CCDC171: variants seen among roughly 807,000 people sequenced by gnomAD.
The protein encoded by CCDC171 is coiled-coil domain-containing protein 171.
CCDC171 carries 177 observed loss-of-function variants against 168.2 expected under a neutral mutation model. The observed-to-expected ratio is 1.05, with a 90% CI of 0.93 to 1.19. The LOEUF is 1.19. Ranked by LOEUF, CCDC171 falls within the 50% of genes most tolerant of loss-of-function variation. The pLI is 0.00. For synonymous variants in CCDC171, 687 were observed against 540.8 expected, an observed-to-expected ratio of 1.27 and a Z score of -3.75; for missense variants, 1,991 against 1,539.0, an observed-to-expected ratio of 1.29 and a Z score of -4.91.
chr9:15,893,505 G>T (rs530320811), intron 24 of CCDC171, among the ~76,000 whole-genome samples: 2 of 152,182 alleles, frequency 1.3e-5, no homozygotes, highest in Admixed American at 1.3e-4. Context: ...ACAACCTACA[G>T]AATGAGAGAA....
At position 15,721,786 on chromosome 9, in the gene CCDC171, G is replaced by C; in HGVS notation, c.1336G>C (p.Asp446His). ...QWTSGIHKDKDKPPSFSVVLE... is the reference protein window; with the variant it reads ...QWTSGIHKDKHKPPSFSVVLE... Reference sequence around the variant, plus strand: ...TTCTCTAGGCATCCACAAGGACAAAGATAAACCTCCCAGCTTCTCTGTTGT... The same window carrying C: ...TTCTCTAGGCATCCACAAGGACAAACATAAACCTCCCAGCTTCTCTGTTGT... The change falls in exon 12 of 26, where the codon GAT (aspartate) becomes CAT (histidine). Residue 446 changes from aspartate to histidine, a missense_variant. Transcript: ENST00000380701. The C allele has an allele frequency of 6.4e-7, 1 of 1,560,030 alleles. No homozygotes were observed. The highest frequency in any genetic ancestry group is 8.7e-7 in the Non-Finnish European group (1 of 1,152,926).
chr9:16,015,819 C>G (rs144835272), intron 3 of CCDC171, among the ~76,000 whole-genome samples: 1 of 152,178 alleles, frequency 6.6e-6, no homozygotes, highest in Non-Finnish European at 1.5e-5. Context: ...TACTTTCTGT[C>G]TATGAATTTT....
intron 10 of CCDC171, among the ~76,000 whole-genome samples, chr9:15,688,466 C>T (rs1457607514): frequency 6.6e-6 from 1 of 152,060 alleles, no homozygotes; most frequent in Non-Finnish European, 1.5e-5. Flanking sequence ...TGCTAAAATT[C>T]TCAAAACTAT....
At chr9:15,568,812 A>C (rs1232259435) in intron 2 of CCDC171, among the ~76,000 whole-genome samples, 1 of 151,932 alleles carries the variant, frequency 6.6e-6, no homozygotes, top group Non-Finnish European at 1.5e-5. Context: ...CCTTTGTCAG[A>C]TGTATAATTT....
At chr9:15,951,506 C>A (rs983701149) in intron 25 of CCDC171, among the ~76,000 whole-genome samples, 1 of 150,390 alleles carries the variant, frequency 6.6e-6, no homozygotes, top group Admixed American at 6.7e-5. Flanking sequence ...CCTGCCAACA[C>A]TTGTGATTAT....
chr9:15,647,686 G>C (rs1419685762), intron 7 of CCDC171, among the ~76,000 whole-genome samples: 1 of 152,074 alleles, frequency 6.6e-6, no homozygotes, highest in Non-Finnish European at 1.5e-5. Context: ...ACTCTCCCAA[G>C]ACTAAACCAG....
chr9:16,078,861 C>G, the CCDC171 span, among the ~76,000 whole-genome samples: 6 of 152,120 alleles, frequency 3.9e-5, no homozygotes, highest in African/African-American at 1.4e-4. Flanking sequence ...AGGTCTTTCC[C>G]CACAGGTGCT....
At chr9:15,902,309 A>G (rs1589054146) in intron 24 of CCDC171, among the ~76,000 whole-genome samples, 1 of 151,416 alleles carries the variant, frequency 6.6e-6, no homozygotes, top group African/African-American at 2.4e-5. Flanking sequence ...TAAAAATTTC[A>G]GAAATGTAAT....
the CCDC171 span, among the ~76,000 whole-genome samples, chr9:16,096,479 G>C: frequency 6.6e-6 from 1 of 152,174 alleles, no homozygotes; most frequent in Admixed American, 6.5e-5. Flanking sequence ...TTAAAAGAAA[G>C]CAAGCTCTTT....
At chr9:15,648,774 C>A (rs1205868712) in intron 7 of CCDC171, among the ~76,000 whole-genome samples, 1 of 152,152 alleles carries the variant, frequency 6.6e-6, no homozygotes, top group Non-Finnish European at 1.5e-5. Flanking sequence ...AAGAACCTTC[C>A]ATGCTCATGG....
At chr9:15,777,286 A>G (rs2057378241) in intron 18 of CCDC171, among the ~76,000 whole-genome samples, 1 of 152,214 alleles carries the variant, frequency 6.6e-6, no homozygotes, top group African/African-American at 2.4e-5. Flanking sequence ...GCAGTTGTAA[A>G]TAGAAAATGG....
intron 22 of CCDC171, among the ~76,000 whole-genome samples, chr9:15,847,921 C>T (rs1021427692): frequency 2.0e-5 from 3 of 151,946 alleles, no homozygotes; most frequent in Non-Finnish European, 2.9e-5. Context: ...AATTGTAAAG[C>T]TATGTAACAT....
chr9:16,095,282 T>C, the CCDC171 span, among the ~76,000 whole-genome samples: 2 of 152,156 alleles, frequency 1.3e-5, no homozygotes, highest in African/African-American at 4.8e-5. Flanking sequence ...TCGGTGAGCA[T>C]GGGCTGCTTT....
chr9:15,568,536 C>T (rs1163163965), intron 2 of CCDC171, among the ~76,000 whole-genome samples: 2 of 152,220 alleles, frequency 1.3e-5, no homozygotes, highest in Non-Finnish European at 2.9e-5. Context: ...TCCCAAAGTG[C>T]TGGGATTACA....
chr9:15,812,151 G>T (rs1344366004), intron 21 of CCDC171, among the ~76,000 whole-genome samples: 2 of 152,112 alleles, frequency 1.3e-5, no homozygotes, highest in Non-Finnish European at 2.9e-5. Context: ...ACGAGAGAGA[G>T]TCTAGAAATC....
intron 12 of CCDC171, among the ~76,000 whole-genome samples, chr9:15,723,129 G>T (rs1415750735): frequency 2.6e-5 from 4 of 152,166 alleles, no homozygotes; most frequent in South Asian, 4.1e-4. Context: ...CAGTCTGACA[G>T]AAAGAAGAAT....
At chr9:15,790,277 T>C (rs2058187131) in intron 21 of CCDC171, among the ~76,000 whole-genome samples, 1 of 152,236 alleles carries the variant, frequency 6.6e-6, no homozygotes, top group South Asian at 2.1e-4. Context: ...TCCTTTTTAA[T>C]GATTGCCATT....
At chr9:15,783,321 TAAAAG>T in intron 20 of CCDC171, among the ~76,000 whole-genome samples, 1 of 152,174 alleles carries the variant, frequency 6.6e-6, no homozygotes, top group African/African-American at 2.4e-5. Context: ...GTCAGAAAAA[TAAAAG>T]ACAAAGTCTG....
chr9:16,042,433 GA>G (rs1271553626), upstream of CCDC171, among the ~76,000 whole-genome samples: 1 of 152,194 alleles, frequency 6.6e-6, no homozygotes, highest in African/African-American at 2.4e-5. Context: ...CCAGCTTCAG[GA>G]AAGACTCAAT....
Sources: gnomAD v4.1 joint callset for allele counts (sites outside exome capture counted in the v4.1 genomes callset) on GRCh38, gnomAD v4.1.1 for gene constraint, MANE v1.5 for transcripts, NCBI Gene and HGNC (gene_info 2026-07-23, HGNC 2026-07-21) for gene names.